Variants in PADI2 observed in about 807,000 individuals in gnomAD.
The protein encoded by PADI2 is peptidyl arginine deiminase 2.
In PADI2, 70 loss-of-function variants were observed where a neutral mutation model predicts 81.1. The ratio of observed to expected loss-of-function variants is 0.86; its 90% confidence interval spans 0.71 to 1.05. The LOEUF (loss-of-function observed/expected upper bound fraction) is 1.05, where lower values mean the gene tolerates loss of function less well. PADI2 is among the 50% of genes least tolerant of loss of function. The pLI, the probability that PADI2 is intolerant of heterozygous loss-of-function variation, is 0.00. For synonymous variants in PADI2, 338 were observed against 358.0 expected (o/e 0.94, Z 0.63); for missense variants, 853 against 889.9 (o/e 0.96, Z 0.53).
chr1:17,090,581 TTGTG>T lies in PADI2; in HGVS notation c.655+1823_655+1826del, dbSNP rs3036949. On this transcript the variant is annotated intron_variant, in intron 6 of 15. Coordinates refer to ENST00000375486, the MANE Select transcript of PADI2 (RefSeq NM_007365.3). ...TGGTCAATTATCTGTCGTCCTTTGCTTGTGTGTGTGTGTGTGTGTGTGTGTGTGT... is the reference window on the plus strand; with the variant it reads ...TGGTCAATTATCTGTCGTCCTTTGCTTGTGTGTGTGTGTGTGTGTGTGTGT... Among the ~76,000 whole-genome samples, 1,027 of 142,826 alleles carry T rather than the reference TTGTG, an allele frequency of 7.2e-3. 5 individuals carry two copies. Among genetic ancestry groups the T allele is most frequent in the East Asian group, 0.048 (228 of 4,782 alleles). 93.7% of individuals were successfully genotyped at this position (142,826 alleles called of 152,430 possible). A position where few individuals can be genotyped will look rare whatever the true frequency, so the allele number is the denominator to read the frequency against.
intron 2 of PADI2, 123 bp downstream of exon 2, chr1:17,104,755 T>C: frequency 2.4e-6 from 2 of 839,350 alleles, no homozygotes; most frequent in Non-Finnish European, 3.5e-6. Flanking sequence ...TTCAATGTGG[T>C]TACTGCAGAA....
At chr1:17,104,250 A>G (rs1001767999) in intron 2 of PADI2, among the ~76,000 whole-genome samples, 1 of 151,398 alleles carries the variant, frequency 6.6e-6, no homozygotes, top group Admixed American at 6.6e-5. Flanking sequence ...AGATCGCATC[A>G]CTGCACTCCA....
intron 8 of PADI2, 67 bp downstream of exon 8, chr1:17,084,532 A>G: frequency 4.4e-6 from 4 of 916,662 alleles, no homozygotes; most frequent in Admixed American, 4.4e-5. Context: ...AACTAGACTC[A>G]TGTCCATCTG....
chr1:17,068,941 T>C lies in PADI2; in HGVS notation c.*103A>G. On this transcript the variant is annotated 3_prime_UTR_variant, in exon 16 of 16. Coordinates refer to ENST00000375486, the MANE Select transcript of PADI2 (RefSeq NM_007365.3). ...AATTCCACCCCACGTCCCAAAGGTCTCCCAGCGGGGCTGTCCAGTCCATGT... is the reference window on the plus strand; with the variant it reads ...AATTCCACCCCACGTCCCAAAGGTCCCCCAGCGGGGCTGTCCAGTCCATGT... The C allele has an allele frequency of 1.1e-6, 1 of 899,934 alleles. No individual in the cohort carries two copies. Among genetic ancestry groups the C allele is most frequent in the Non-Finnish European group, 1.8e-6 (1 of 549,502 alleles). 55.7% of individuals were successfully genotyped at this position (899,934 alleles called of 1,614,324 possible). A position where few individuals can be genotyped will look rare whatever the true frequency, so the allele number is the denominator to read the frequency against.
rs1218705437 is a variant in PADI2, at chr1:17,069,100, C to T, written c.1942G>A (p.Gly648Ser). ...YHKFLGEVHC[G>S]TNVRRKPFTF... ...AAGGGCTTCCTGCGGACGTTGGTGCCACAGTGGACTTCCCCCAGAAATTTG... is the reference window on the plus strand; with the variant it reads ...AAGGGCTTCCTGCGGACGTTGGTGCTACAGTGGACTTCCCCCAGAAATTTG... The change falls in exon 16 of 16, where the codon GGC becomes AGC. Residue 648 changes from glycine to serine, a missense_variant. Coordinates refer to ENST00000375486, the MANE Select transcript of PADI2 (RefSeq NM_007365.3). 1.2e-6 allele frequency: 2 copies of T among 1,614,230 alleles called. No homozygotes were observed. The highest frequency in any genetic ancestry group is 1.7e-5 in the Admixed American group (1 of 60,036).
chr1:17,079,482 C>T (rs1472066290), intron 10 of PADI2, 67 bp from the exon 11 acceptor site: 1 of 1,380,526 alleles, frequency 7.2e-7, no homozygotes, highest in Admixed American at 1.9e-5. Context: ...AAGCCAGCCA[C>T]CCTCTTTTAT....
rs1931727014 is a variant in PADI2 at position 17,115,563 on chromosome 1, C to T, written c.92+3717G>A. On this transcript the variant is annotated intron_variant, in intron 1 of 15. Coordinates refer to ENST00000375486, the MANE Select transcript of PADI2 (RefSeq NM_007365.3). The surrounding 1 kb of genome is among the most constrained non-coding windows in gnomAD (Gnocchi z 4.1). ...ACTTTACTCCGAGGCTGCCCTGTCC[C>T]TAATAATCCTTCCAGACTCTGGGAG... 6.6e-6 allele frequency among the ~76,000 whole-genome samples: 1 copy of T among 152,236 alleles called. No homozygotes were observed.
At chr1:17,072,814 T>C (rs1045951085) in intron 13 of PADI2, among the ~76,000 whole-genome samples, 2 of 152,204 alleles carry the variant, frequency 1.3e-5, no homozygotes, top group Non-Finnish European at 2.9e-5. Context: ...CTTGCCCCTA[T>C]TTGTACAAAA....
intron 5 of PADI2, 52 bp downstream of exon 5, chr1:17,093,515 G>T: frequency 8.2e-7 from 1 of 1,222,858 alleles, no homozygotes; most frequent in Non-Finnish European, 1.2e-6. Context: ...GACTGGGCAT[G>T]AATCTTTTCA....
chr1:17,070,442 C>A (rs184417943), intron 14 of PADI2, among the ~76,000 whole-genome samples: 1 of 152,314 alleles, frequency 6.6e-6, no homozygotes. Context: ...AGAACAGCAG[C>A]TGCCATTTCC....
intron 4 of PADI2, among the ~76,000 whole-genome samples, chr1:17,094,593 A>G (rs1570993565): frequency 6.6e-6 from 1 of 152,240 alleles, no homozygotes; most frequent in Non-Finnish European, 1.5e-5. Context: ...AATGTGGACC[A>G]TGGGCTCCTT....
chr1:17,113,018 C>T (rs771325804), intron 1 of PADI2, among the ~76,000 whole-genome samples: 3 of 152,156 alleles, frequency 2.0e-5, no homozygotes, highest in Non-Finnish European at 4.4e-5. Context: ...CCCAGTCCAT[C>T]CTTCAAGACC....
chr1:17,075,085 C>T (rs558606165), intron 12 of PADI2, 136 bp from the exon 13 acceptor site: 30 of 560,348 alleles, frequency 5.4e-5, no homozygotes, highest in Non-Finnish European at 5.8e-5. Flanking sequence ...CAAAGGCTGA[C>T]GGGGAGGGTG....
chr1:17,075,162 A>G, intron 12 of PADI2: 1 of 485,150 alleles, frequency 2.1e-6, no homozygotes, highest in Non-Finnish European at 3.7e-6. Flanking sequence ...ATCAAGGCTC[A>G]GAGTCAAAGG....
In PADI2 at chr1:17,067,330, G is replaced by A. The variant is rs996925190; in HGVS notation, c.*1714C>T. The stretch of plus-strand genomic sequence containing the variant: ...TAGGCACTTGGTGTTTTCAGCTCTG[G>A]GGCTGGAGAGATCTGGGGCTTTGGC... On this transcript the variant is annotated 3_prime_UTR_variant, in exon 16 of 16. Transcript: ENST00000375486. 2 of 152,164 alleles carry A rather than the reference G, an allele frequency of 1.3e-5. No homozygotes were observed. Among genetic ancestry groups the A allele is most frequent in the Non-Finnish European group, 2.9e-5 (2 of 68,066 alleles). 9.4% of individuals were successfully genotyped at this position (152,164 alleles called of 1,614,324 possible).
rs566871159 is a variant in PADI2 at position 17,073,057 on chromosome 1, G to A, written c.1550-1566C>T. Among the ~76,000 whole-genome samples, 6 of 152,216 alleles carry A rather than the reference G, an allele frequency of 3.9e-5. No individual in the cohort carries two copies. In the South Asian group the frequency reaches 8.3e-4, roughly 21 times the overall value. On this transcript the variant is annotated intron_variant, in intron 13 of 15. Transcript: ENST00000375486. ...AGTCATGTAAGTATCAACCAGCTGCGGGAACTCAGGCTTTCAGGCATGAGA... is the reference window on the plus strand; with the variant it reads ...AGTCATGTAAGTATCAACCAGCTGCAGGAACTCAGGCTTTCAGGCATGAGA...
intron 8 of PADI2, 32 bp downstream of exon 8, chr1:17,084,567 C>T (rs887417626): frequency 7.7e-6 from 11 of 1,434,118 alleles, no homozygotes; most frequent in African/African-American, 4.2e-5. Flanking sequence ...CACTCTGCCA[C>T]GCTGCCTCTC....
chr1:17,102,579 C>G (rs967174195), intron 3 of PADI2, among the ~76,000 whole-genome samples: 5 of 152,136 alleles, frequency 3.3e-5, no homozygotes, highest in African/African-American at 1.2e-4. Flanking sequence ...CTGGGGAGAA[C>G]CAGGGGGCAG....
chr1:17,069,297 T>C lies in PADI2; in HGVS notation c.1765-20A>G. On this transcript the variant is annotated intron_variant, in intron 15 of 15. Coordinates refer to ENST00000375486, the MANE Select transcript of PADI2 (RefSeq NM_007365.3). Reference sequence around the variant, plus strand: ...GTTCACCTGTGACGGGGGATTGCGATGGCAACAGCTTCCATTTAGTGAGCA... The same window carrying C: ...GTTCACCTGTGACGGGGGATTGCGACGGCAACAGCTTCCATTTAGTGAGCA... The C allele has an allele frequency of 6.3e-7, 1 of 1,589,208 alleles. No homozygotes were observed. The highest frequency in any genetic ancestry group is 8.6e-7 in the Non-Finnish European group (1 of 1,157,494).
Sources: gnomAD v4.1 joint callset for allele counts (sites outside exome capture counted in the v4.1 genomes callset) on GRCh38, gnomAD v4.1.1 for gene constraint, Gnocchi (gnomAD v3.1) non-coding constraint, MANE v1.5 for transcripts, NCBI Gene and HGNC (gene_info 2026-07-23, HGNC 2026-07-21) for gene names.